Variants in CBLB observed in about 807,000 individuals in gnomAD.
CBLB encodes E3 ubiquitin-protein ligase CBL-B.
A neutral mutation model predicts 104.9 loss-of-function variants in CBLB; 31 were observed. That is an observed-to-expected ratio of 0.30 (90% CI 0.22 to 0.40). The LOEUF (loss-of-function observed/expected upper bound fraction) is 0.40. Ranked by LOEUF, CBLB falls within the 10% of genes least tolerant of loss-of-function variation. The pLI is 1.00. For missense variants in CBLB, 1,062 were observed against 1,214.6 expected (o/e 0.87, Z 1.87); for synonymous variants, 440 against 422.6 (o/e 1.04, Z -0.51).
At chr3:105,752,771 T>A (rs1250432621) in intron 4 of CBLB, among the ~76,000 whole-genome samples, 1 of 152,148 alleles carries the variant, frequency 6.6e-6, no homozygotes, top group Non-Finnish European at 1.5e-5. Context: ...GCATCCAAAT[T>A]ATCTGAAGGG....
intron 3 of CBLB, among the ~76,000 whole-genome samples, chr3:105,805,934 G>GA (rs3841101): frequency 5.5e-5 from 8 of 145,504 alleles, no homozygotes; most frequent in African/African-American, 2.0e-4. Flanking sequence ...AAAAGGGAAA[G>GA]AAAAAAAAAA....
At chr3:105,722,967 C>T (rs1301883461) in intron 9 of CBLB, among the ~76,000 whole-genome samples, 1 of 152,162 alleles carries the variant, frequency 6.6e-6, no homozygotes, top group African/African-American at 2.4e-5. Flanking sequence ...TTCTCTTCAG[C>T]TTTGTTGTTG....
At chr3:105,859,932 T>C (rs961093920) in intron 2 of CBLB, among the ~76,000 whole-genome samples, 1 of 152,206 alleles carries the variant, frequency 6.6e-6, no homozygotes, top group Non-Finnish European at 1.5e-5. Context: ...CAAAACAAAG[T>C]TGGCATATAA....
chr3:105,737,166 C>A lies in CBLB; in HGVS notation c.1071+5G>T. 6.8e-7 allele frequency: 1 copy of A among 1,479,216 alleles called. No individual in the cohort carries two copies. 91.6% of individuals were successfully genotyped at this position (1,479,216 alleles called of 1,614,324 possible). A position where few individuals can be genotyped will look rare whatever the true frequency, so the allele number is the denominator to read the frequency against. ...TAATTATACTTTTCTAGCAATTATC[C>A]TTACCTGTGTAACTTTTATATGGTC... On this transcript the variant is annotated splice_donor_5th_base_variant and intron_variant, in intron 8 of 18. Coordinates refer to ENST00000394030, the MANE Select transcript of CBLB (RefSeq NM_170662.5).
intron 3 of CBLB, among the ~76,000 whole-genome samples, chr3:105,847,392 C>CCACACACACACACACA (rs112192218): frequency 1.5e-4 from 22 of 143,538 alleles, no homozygotes; most frequent in Non-Finnish European, 1.8e-4. Flanking sequence ...TAACCCTCCA[C>CCACACACACACACACA]CACACACACA....
chr3:105,833,396 C>G (rs1039505006), intron 3 of CBLB, among the ~76,000 whole-genome samples: 5 of 152,112 alleles, frequency 3.3e-5, no homozygotes, highest in Admixed American at 2.6e-4. Flanking sequence ...CTGAGACAGA[C>G]AGGCTTATTA....
chr3:105,764,760 G>A (rs1164273301), intron 4 of CBLB, among the ~76,000 whole-genome samples: 1 of 152,178 alleles, frequency 6.6e-6, no homozygotes, highest in Non-Finnish European at 1.5e-5. Flanking sequence ...TAGGCAAGTT[G>A]TGAATGGAAA....
At chr3:105,828,844 AG>A (rs2086983726) in intron 3 of CBLB, among the ~76,000 whole-genome samples, 1 of 152,194 alleles carries the variant, frequency 6.6e-6, no homozygotes, top group African/African-American at 2.4e-5. Flanking sequence ...GAGTCCAGAA[AG>A]GTCAAAGGAA....
chr3:105,845,884 A>G (rs547460374), intron 3 of CBLB, among the ~76,000 whole-genome samples: 14 of 152,048 alleles, frequency 9.2e-5, no homozygotes, highest in Non-Finnish European at 1.9e-4. Flanking sequence ...GATAAAATAA[A>G]CTTTTTATTC....
At chr3:105,738,973 G>T (rs2075253415) in intron 7 of CBLB, among the ~76,000 whole-genome samples, 1 of 152,110 alleles carries the variant, frequency 6.6e-6, no homozygotes, top group South Asian at 2.1e-4. Context: ...GCAGTGGCAC[G>T]ATGTTGTCAC....
At chr3:105,746,347 C>A (rs1279604700) in intron 5 of CBLB, among the ~76,000 whole-genome samples, 1 of 152,186 alleles carries the variant, frequency 6.6e-6, no homozygotes, top group Non-Finnish European at 1.5e-5. Flanking sequence ...TTGTAAAACA[C>A]AAATGAAATA....
intron 17 of CBLB, 109 bp downstream of exon 17, chr3:105,678,322 T>C: frequency 9.1e-7 from 1 of 1,101,488 alleles, no homozygotes; most frequent in Non-Finnish European, 1.4e-6. Context: ...GATTTTTCTG[T>C]TCTGCTAGGG....
intron 2 of CBLB, 87 bp downstream of exon 2, chr3:105,867,323 G>T: frequency 1.8e-6 from 2 of 1,132,610 alleles, no homozygotes; most frequent in Non-Finnish European, 2.7e-6. Flanking sequence ...AACAATGGTT[G>T]GTATTAATTA....
Position 105,657,638 on chromosome 3 carries a change from T to A in CBLB, c.*1332A>T. On this transcript the variant is annotated 3_prime_UTR_variant, in exon 19 of 19. Transcript: ENST00000394030. ...ACAGCACCAAGCATATCATAGATGC[T>A]CAATAAATATTTGTAGATTTATTAA... The A allele has an allele frequency of 9.8e-6, 2 of 203,612 alleles. No homozygotes were observed. The highest frequency in any genetic ancestry group is 1.5e-4 in the East Asian group (2 of 13,176). 12.6% of individuals were successfully genotyped at this position (203,612 alleles called of 1,614,324 possible).
chr3:105,773,318 T>G (rs1450772851), intron 4 of CBLB, among the ~76,000 whole-genome samples: 1 of 152,170 alleles, frequency 6.6e-6, no homozygotes, highest in Admixed American at 6.5e-5. Flanking sequence ...TTCTCACTTA[T>G]AAGTGGGAGC....
intron 17 of CBLB, chr3:105,670,900 T>C (rs920250871): frequency 1.2e-5 from 2 of 161,080 alleles, no homozygotes; most frequent in Admixed American, 6.4e-5. Context: ...TATTATTATA[T>C]TGGGCATCCT....
intron 3 of CBLB, among the ~76,000 whole-genome samples, chr3:105,814,462 G>A (rs1377042687): frequency 6.6e-6 from 1 of 152,040 alleles, no homozygotes; most frequent in Non-Finnish European, 1.5e-5. Context: ...AACTAAAATT[G>A]TTTAATCAAT....
At chr3:105,678,368 T>G in intron 17 of CBLB, 63 bp downstream of exon 17, 1 of 1,466,490 alleles carries the variant, frequency 6.8e-7, no homozygotes, top group Non-Finnish European at 9.6e-7. Context: ...ATTTATTTGA[T>G]AGTATGGTTT....
At chr3:105,800,185 G>C (rs1190654003) in intron 3 of CBLB, among the ~76,000 whole-genome samples, 1 of 152,130 alleles carries the variant, frequency 6.6e-6, no homozygotes, top group East Asian at 1.9e-4. Flanking sequence ...AAACCTACCT[G>C]TATGTTACAA....
Sources: allele counts gnomAD v4.1 joint callset (sites outside exome capture counted in the v4.1 genomes callset), GRCh38; gene constraint gnomAD v4.1.1; transcripts MANE v1.5; gene names NCBI Gene and HGNC (gene_info 2026-07-23, HGNC 2026-07-21).